OCM: variants seen among roughly 807,000 people sequenced by gnomAD.
The protein encoded by OCM is oncomodulin-1.
A neutral mutation model predicts 14.1 loss-of-function variants in OCM; 18 were observed. The observed-to-expected ratio is 1.28, with a 90% confidence interval of 0.88 to 1.89. The LOEUF (loss-of-function observed/expected upper bound fraction) is 1.89. Among genes scored for constraint, OCM ranks in the 40% most tolerant of loss-of-function variants. The pLI is 0.00. For synonymous variants in OCM, 48 were observed against 51.0 expected, an observed-to-expected ratio of 0.94 and a Z score of 0.25; for missense variants, 140 against 137.6, an observed-to-expected ratio of 1.02 and a Z score of -0.09.
chr7:5,862,069 G>C, the OCM span, among the ~76,000 whole-genome samples: 5 of 152,050 alleles, frequency 3.3e-5, no homozygotes, highest in African/African-American at 9.7e-5. Flanking sequence ...CCTCACAGTG[G>C]CTTTAATCTG....
chr7:5,860,397 C>T, the OCM span, among the ~76,000 whole-genome samples: 10 of 138,670 alleles, frequency 7.2e-5, no homozygotes, highest in African/African-American at 1.3e-4. Context: ...GGTATATATA[C>T]GTGTATATAT....
upstream of OCM, among the ~76,000 whole-genome samples, chr7:5,878,264 G>C (rs1369687378): frequency 2.0e-5 from 3 of 151,418 alleles, no homozygotes; most frequent in Non-Finnish European, 4.4e-5. Context: ...CGCCCGGCCA[G>C]TAGTCAAACT....
the OCM span, among the ~76,000 whole-genome samples, chr7:5,868,913 C>T: frequency 5.9e-5 from 9 of 151,452 alleles, 3 homozygotes; most frequent in African/African-American, 2.2e-4. Context: ...AAATACAAAA[C>T]TTAGCCAGGC....
rs1781337455 is a variant in OCM, at chr7:5,886,325, G to A, written c.*236G>A. On this transcript the variant is annotated 3_prime_UTR_variant, in exon 4 of 4. Transcript: ENST00000242104. The stretch of plus-strand genomic sequence containing the variant: ...AGCCCCCCTTCCCCCAACAGGCAAT[G>A]CCTCTAAAAATCACCCAATAAAGAC... 1.9e-6 allele frequency: 1 copy of A among 534,784 alleles called. No homozygotes were observed. The allele number at this position is 534,784 out of a possible 1,614,324, so 33.1% of individuals were successfully genotyped here. A position where few individuals can be genotyped will look rare whatever the true frequency, so the allele number is the denominator to read the frequency against.
chr7:5,876,471 G>T (rs1319327977), upstream of OCM, among the ~76,000 whole-genome samples: 2 of 152,092 alleles, frequency 1.3e-5, no homozygotes, highest in African/African-American at 4.8e-5. Flanking sequence ...TCTTTAAGGG[G>T]CTGGGCGAGG....
chr7:5,860,125 G>A, the OCM span, among the ~76,000 whole-genome samples: 3 of 151,942 alleles, frequency 2.0e-5, no homozygotes, highest in East Asian at 3.9e-4. Flanking sequence ...ACCCTGGAGC[G>A]AGAGATGCCA....
At chr7:5,884,520 G>C (rs1781293673) in intron 3 of OCM, among the ~76,000 whole-genome samples, 1 of 152,074 alleles carries the variant, frequency 6.6e-6, no homozygotes, top group Admixed American at 6.6e-5. Flanking sequence ...CTCATTTATT[G>C]AGTCTTCCAT....
chr7:5,886,329 C>T lies in OCM; in HGVS notation c.*240C>T. The T allele has an allele frequency of 3.8e-6, 2 of 529,522 alleles. No homozygotes were observed. Among genetic ancestry groups the T allele is most frequent in the Non-Finnish European group, 6.8e-6 (2 of 293,012 alleles). The allele number at this position is 529,522 out of a possible 1,614,324, so 32.8% of individuals were successfully genotyped here. On this transcript the variant is annotated 3_prime_UTR_variant, in exon 4 of 4. Transcript: ENST00000242104. ...CCCCTTCCCCCAACAGGCAATGCCTCTAAAAATCACCCAATAAAGACAGGC... is the reference window on the plus strand; with the variant it reads ...CCCCTTCCCCCAACAGGCAATGCCTTTAAAAATCACCCAATAAAGACAGGC...
chr7:5,866,616 C>T, the OCM span, among the ~76,000 whole-genome samples: 1 of 152,160 alleles, frequency 6.6e-6, no homozygotes, highest in African/African-American at 2.4e-5. Flanking sequence ...GTTTGATTTT[C>T]TGACATCTGA....
At chr7:5,865,683 G>A in the OCM span, among the ~76,000 whole-genome samples, 2 of 152,156 alleles carry the variant, frequency 1.3e-5, no homozygotes, top group African/African-American at 2.4e-5. Flanking sequence ...CACCTCTAGC[G>A]ATGGGAGAAC....
At chr7:5,860,513 C>T in the OCM span, among the ~76,000 whole-genome samples, 5 of 121,772 alleles carry the variant, frequency 4.1e-5, 1 homozygote, top group Non-Finnish European at 8.5e-5. Flanking sequence ...CGTATATATA[C>T]GTGTATATAT....
At chr7:5,870,214 C>T in the OCM span, among the ~76,000 whole-genome samples, 1 of 152,056 alleles carries the variant, frequency 6.6e-6, no homozygotes, top group African/African-American at 2.4e-5. Context: ...TGAAGCCATC[C>T]ATCCTCCCAC....
chr7:5,871,177 C>A, the OCM span, among the ~76,000 whole-genome samples: 7 of 151,338 alleles, frequency 4.6e-5, no homozygotes, highest in Non-Finnish European at 7.4e-5. Flanking sequence ...TGAGAGCCCC[C>A]CCCCCGTCTC....
chr7:5,872,719 C>G, the OCM span, among the ~76,000 whole-genome samples: 1 of 152,022 alleles, frequency 6.6e-6, no homozygotes, highest in Non-Finnish European at 1.5e-5. Flanking sequence ...TCTCAAGTAC[C>G]CAGGGACACA....
chr7:5,868,499 C>T, the OCM span, among the ~76,000 whole-genome samples: 1 of 152,034 alleles, frequency 6.6e-6, no homozygotes, highest in Non-Finnish European at 1.5e-5. Flanking sequence ...CTAGTGAGCT[C>T]ACGAAGACAC....
chr7:5,862,389 C>G, the OCM span, among the ~76,000 whole-genome samples: 1 of 152,186 alleles, frequency 6.6e-6, no homozygotes, highest in Admixed American at 6.5e-5. Context: ...GGCTCCCTCA[C>G]AAGTTGCTCA....
upstream of OCM, among the ~76,000 whole-genome samples, chr7:5,875,682 T>C (rs1781081804): frequency 6.6e-6 from 1 of 152,128 alleles, no homozygotes; most frequent in South Asian, 2.1e-4. Flanking sequence ...ACCCATATGC[T>C]ACTTGGATTT....
chr7:5,882,648 C>G, intron 2 of OCM, 23 bp downstream of exon 2: 2 of 1,613,408 alleles, frequency 1.2e-6, no homozygotes, highest in Non-Finnish European at 1.7e-6. Flanking sequence ...CTGAGTCTGT[C>G]TGGTACCCGG....
upstream of OCM, among the ~76,000 whole-genome samples, chr7:5,877,898 G>T (rs1489940722): frequency 2.0e-5 from 3 of 149,668 alleles, no homozygotes; most frequent in African/African-American, 7.4e-5. Flanking sequence ...ATTATACTCA[G>T]TGAAATAAGC....
Sources: allele counts gnomAD v4.1 joint callset (sites outside exome capture counted in the v4.1 genomes callset), GRCh38; gene constraint gnomAD v4.1.1; transcripts MANE v1.5; gene names NCBI Gene and HGNC (gene_info 2026-07-23, HGNC 2026-07-21).